Variants in CPQ observed in about 807,000 individuals in gnomAD.
The protein encoded by CPQ is carboxypeptidase Q.
Under a neutral mutation model 45.7 loss-of-function variants are expected in CPQ, and 37 were observed. The observed-to-expected ratio is 0.81, with a 90% confidence interval of 0.62 to 1.07. The LOEUF is 1.07. Among genes scored for constraint, CPQ ranks in the 50% least tolerant of loss-of-function variants. The probability of loss-of-function intolerance (pLI) is 0.00; values close to 1 mark genes in which losing one functional copy is unlikely to be tolerated. For synonymous variants in CPQ, 186 were observed against 205.8 expected, an observed-to-expected ratio of 0.90 and a Z score of 0.82; for missense variants, 537 against 572.9, an observed-to-expected ratio of 0.94 and a Z score of 0.64.
chr8:96,794,644 G>T (rs1810900789), intron 2 of CPQ, among the ~76,000 whole-genome samples: 2 of 152,182 alleles, frequency 1.3e-5, no homozygotes, highest in African/African-American at 4.8e-5. Flanking sequence ...CTATCACATT[G>T]TCAGGCTGCA....
chr8:96,819,836 C>T lies in CPQ; in HGVS notation c.434-15137C>T, dbSNP rs374062782. Reference sequence around the variant, plus strand: ...TGTCTTCAGGATCATACCGGAAAGCCATGTTTCATCTCCTGTTACAGTTAT... The same window carrying T: ...TGTCTTCAGGATCATACCGGAAAGCTATGTTTCATCTCCTGTTACAGTTAT... On this transcript the variant is annotated intron_variant, in intron 2 of 7. Coordinates refer to ENST00000220763, the MANE Select transcript of CPQ (RefSeq NM_016134.4). 1.4e-4 allele frequency among the ~76,000 whole-genome samples: 22 copies of T among 151,966 alleles called. 1 individual carries two copies. Among genetic ancestry groups the T allele is most frequent in the Non-Finnish European group, 1.6e-4 (11 of 67,972 alleles).
rs1467634883 is a variant in CPQ, at chr8:96,734,415, T to C, written c.-34-50449T>C. The stretch of plus-strand genomic sequence containing the variant: ...AATCTGAGCATGCCACACTCCCACT[T>C]AAAATCCTCTGACAGGCTGGGCGCG... On this transcript the variant is annotated intron_variant, in intron 1 of 7. Coordinates refer to ENST00000220763, the MANE Select transcript of CPQ (RefSeq NM_016134.4). 3.9e-5 allele frequency among the ~76,000 whole-genome samples: 6 copies of C among 152,156 alleles called. No individual in the cohort carries two copies. In the East Asian group the frequency reaches 1.2e-3, roughly 29 times the overall value.
intron 7 of CPQ, among the ~76,000 whole-genome samples, chr8:97,097,275 G>A (rs1169353122): frequency 2.6e-5 from 4 of 152,050 alleles, no homozygotes; most frequent in African/African-American, 9.7e-5. Context: ...GTTGATAGTG[G>A]CCAACTCCGT....
intron 7 of CPQ, among the ~76,000 whole-genome samples, chr8:97,076,651 T>C (rs1810850675): frequency 6.6e-6 from 1 of 152,220 alleles, no homozygotes; most frequent in Non-Finnish European, 1.5e-5. Flanking sequence ...ATCCCTTGTA[T>C]TTCCTGTGGA....
chr8:96,949,523 G>T (rs1216427839), intron 4 of CPQ, among the ~76,000 whole-genome samples: 1 of 151,888 alleles, frequency 6.6e-6, no homozygotes, highest in African/African-American at 2.4e-5. Flanking sequence ...GTGATATTGG[G>T]GATATCACAT....
At chr8:96,971,003 CCTCTTGGTAATTT>C (rs1306145549) in intron 5 of CPQ, among the ~76,000 whole-genome samples, 1 of 152,102 alleles carries the variant, frequency 6.6e-6, no homozygotes, top group East Asian at 1.9e-4. Context: ...TTGGGAACTC[CCTCTTGGTAATTT>C]CTTTATTTGT....
chr8:96,987,929 A>G (rs141214107), intron 5 of CPQ, among the ~76,000 whole-genome samples: 1 of 152,216 alleles, frequency 6.6e-6, no homozygotes, highest in African/African-American at 2.4e-5. Flanking sequence ...AATTCCCATG[A>G]TGAGAGTCAT....
intron 4 of CPQ, among the ~76,000 whole-genome samples, chr8:96,945,369 G>T (rs1051193043): frequency 6.6e-6 from 1 of 152,070 alleles, no homozygotes; most frequent in Admixed American, 6.6e-5. Context: ...TGGTATTTTG[G>T]TGCATCTTTT....
chr8:97,112,224 A>G (rs574811765), intron 7 of CPQ, among the ~76,000 whole-genome samples: 15 of 151,870 alleles, frequency 9.9e-5, no homozygotes, highest in Admixed American at 8.5e-4. Context: ...CAAGATGAAA[A>G]CAGTGTCTAC....
At chr8:97,046,337 C>T (rs938977413) in intron 6 of CPQ, among the ~76,000 whole-genome samples, 3 of 150,396 alleles carry the variant, frequency 2.0e-5, no homozygotes, top group Non-Finnish European at 4.4e-5. Context: ...TGTAATTATT[C>T]ATTCTAGAAG....
intron 1 of CPQ, among the ~76,000 whole-genome samples, chr8:96,715,494 T>C (rs1209834399): frequency 6.6e-6 from 1 of 152,136 alleles, no homozygotes; most frequent in Non-Finnish European, 1.5e-5. Context: ...CTCTGAACCA[T>C]TTCAGAAAGG....
chr8:96,928,765 T>C (rs916882984), intron 4 of CPQ, among the ~76,000 whole-genome samples: 17 of 152,190 alleles, frequency 1.1e-4, no homozygotes, highest in African/African-American at 4.1e-4. Flanking sequence ...GACTGAAAGT[T>C]GCTTGCAGGA....
At chr8:96,722,768 A>G (rs369203490) in intron 1 of CPQ, among the ~76,000 whole-genome samples, 4 of 152,278 alleles carry the variant, frequency 2.6e-5, no homozygotes, top group Non-Finnish European at 4.4e-5. Context: ...CTCTCCGTAT[A>G]GTGACTTAGA....
At chr8:96,664,014 G>A (rs1467163599) in intron 1 of CPQ, among the ~76,000 whole-genome samples, 1 of 152,044 alleles carries the variant, frequency 6.6e-6, no homozygotes, top group Non-Finnish European at 1.5e-5. Flanking sequence ...CCATAAAATA[G>A]GGAATATAAT....
chr8:96,929,037 G>A (rs763181727), intron 4 of CPQ, among the ~76,000 whole-genome samples: 4 of 152,072 alleles, frequency 2.6e-5, no homozygotes, highest in Non-Finnish European at 5.9e-5. Context: ...CCCAGCCAAC[G>A]TCTATTTTGC....
At chr8:96,698,907 T>C (rs2704267) in intron 1 of CPQ, among the ~76,000 whole-genome samples, 16,081 of 152,172 alleles carry the variant, frequency 0.11, 1,473 homozygotes, top group African/African-American at 0.25. Context: ...ACAACCACTA[T>C]GGACAACAGT....
chr8:96,996,621 C>T (rs1809182811), intron 5 of CPQ, among the ~76,000 whole-genome samples: 1 of 151,982 alleles, frequency 6.6e-6, no homozygotes, highest in African/African-American at 2.4e-5. Context: ...TGTATCTGTA[C>T]ATAGTATATT....
At position 97,084,387 on chromosome 8, in the gene CPQ, C is replaced by CCAT. The variant is rs1486279883; in HGVS notation, c.1255+18179_1255+18181dup. 2.0e-5 allele frequency among the ~76,000 whole-genome samples: 3 copies of CCAT among 152,122 alleles called. No homozygotes were observed. In the East Asian group the frequency reaches 5.8e-4, roughly 29 times the overall value. On this transcript the variant is annotated intron_variant, in intron 7 of 7. Coordinates refer to ENST00000220763, the MANE Select transcript of CPQ (RefSeq NM_016134.4). ...CTTTTATTTTCTTCCTACCCCTCCC[C>CCAT]CATCTTTTTCTTGAGGGAATCAGGA... is the stretch of plus-strand genomic sequence containing the variant.
intron 4 of CPQ, among the ~76,000 whole-genome samples, chr8:96,962,347 G>C (rs866767117): frequency 2.0e-5 from 3 of 152,292 alleles, no homozygotes; most frequent in Middle Eastern, 3.4e-3. Context: ...AGGAAGTTGG[G>C]GGAAAGGAAT....
Sources: allele counts gnomAD v4.1 joint callset (sites outside exome capture counted in the v4.1 genomes callset), GRCh38; gene constraint gnomAD v4.1.1; transcripts MANE v1.5; gene names NCBI Gene and HGNC (gene_info 2026-07-23, HGNC 2026-07-21).